The following PLEKHG1 variants were observed in gnomAD, a reference collection of about 807,000 sequenced individuals.
PLEKHG1 encodes the protein pleckstrin homology domain-containing family G member 1.
In PLEKHG1, 44 loss-of-function variants were observed where a neutral mutation model predicts 100.8. The observed-to-expected ratio is 0.44, with a 90% CI of 0.34 to 0.56. The LOEUF is 0.56. PLEKHG1 is among the 20% of genes least tolerant of loss of function. PLEKHG1 has a pLI of 0.01. For missense variants in PLEKHG1, 1,545 were observed against 1,720.9 expected (o/e 0.90, Z 1.81); for synonymous variants, 640 against 662.5 (o/e 0.97, Z 0.52).
At chr6:150,791,843 T>G (rs1786002263) in intron 4 of PLEKHG1, among the ~76,000 whole-genome samples, 1 of 152,182 alleles carries the variant, frequency 6.6e-6, no homozygotes, top group Non-Finnish European at 1.5e-5. Flanking sequence ...GGCATAACCA[T>G]GCAGTAGGAA....
At chr6:150,777,428 A>G (rs1450241091) in intron 3 of PLEKHG1, among the ~76,000 whole-genome samples, 1 of 143,970 alleles carries the variant, frequency 6.9e-6, no homozygotes, top group Non-Finnish European at 1.5e-5. Flanking sequence ...CACTGATGCA[A>G]TCCTGGTGCA....
intron 7 of PLEKHG1, among the ~76,000 whole-genome samples, chr6:150,808,667 C>T (rs762955145): frequency 4.6e-5 from 7 of 152,122 alleles, no homozygotes; most frequent in Admixed American, 6.5e-5. Context: ...GCAGGAGGAT[C>T]GCTTGAACCG....
intron 3 of PLEKHG1, among the ~76,000 whole-genome samples, chr6:150,690,448 A>G (rs977524561): frequency 1.3e-5 from 2 of 152,162 alleles, no homozygotes; most frequent in Non-Finnish European, 2.9e-5. Flanking sequence ...ATACCTCACT[A>G]GAGTGAGGAA....
intron 10 of PLEKHG1, among the ~76,000 whole-genome samples, chr6:150,811,059 T>C (rs1787496518): frequency 6.6e-6 from 1 of 152,182 alleles, no homozygotes; most frequent in African/African-American, 2.4e-5. Context: ...AAAGCTGTGC[T>C]GGGTCCCATG....
intron 2 of PLEKHG1, among the ~76,000 whole-genome samples, chr6:150,643,500 A>G (rs1056721952): frequency 1.3e-5 from 2 of 152,226 alleles, no homozygotes; most frequent in Non-Finnish European, 2.9e-5. Context: ...TTGCATTTAC[A>G]TGCAGCATGT....
chr6:150,688,743 C>T (rs1562437624), intron 3 of PLEKHG1, among the ~76,000 whole-genome samples: 1 of 152,132 alleles, frequency 6.6e-6, no homozygotes, highest in Non-Finnish European at 1.5e-5. Flanking sequence ...ATAGTAAAAA[C>T]TATGCTAACA....
intron 3 of PLEKHG1, among the ~76,000 whole-genome samples, chr6:150,652,693 C>G (rs1778800102): frequency 6.7e-6 from 1 of 149,288 alleles, no homozygotes. Flanking sequence ...GCACTCCAGC[C>G]TGGGCAACAA....
intron 2 of PLEKHG1, among the ~76,000 whole-genome samples, chr6:150,640,296 C>T (rs1372422638): frequency 6.6e-6 from 1 of 152,210 alleles, no homozygotes; most frequent in Non-Finnish European, 1.5e-5. Flanking sequence ...GCAGGCTTGC[C>T]CAACTTTTTC....
chr6:150,821,867 G>A (rs147004803), intron 13 of PLEKHG1, among the ~76,000 whole-genome samples: 2,474 of 149,628 alleles, frequency 0.017, 74 homozygotes, highest in African/African-American at 0.057. Flanking sequence ...TTGAGACAGA[G>A]TCTTGCTCTT....
intron 1 of PLEKHG1, among the ~76,000 whole-genome samples, chr6:150,634,734 A>G (rs1027733516): frequency 6.6e-6 from 1 of 152,260 alleles, no homozygotes; most frequent in East Asian, 1.9e-4. Context: ...GTAATGAAGT[A>G]ATAAAACAAT....
At chr6:150,809,679 T>C (rs1172568474) in exon 10 of PLEKHG1, 2 of 1,614,006 alleles carry the variant, frequency 1.2e-6, no homozygotes, top group Non-Finnish European at 1.7e-6. Flanking sequence ...CGCCTCTGGG[T>C]TCTGCACCTA....
At chr6:150,830,527 T>C (rs1456432377) in intron 14 of PLEKHG1, 55 bp from the exon 16 acceptor site, 5 of 1,298,848 alleles carry the variant, frequency 3.8e-6, no homozygotes, top group Non-Finnish European at 5.4e-6. Context: ...ATTCCTGAGT[T>C]ATGTGTCTTC....
At chr6:150,830,664 C>T (rs201807015) in exon 15 of PLEKHG1, 1 of 1,614,114 alleles carries the variant, frequency 6.2e-7, no homozygotes, top group Non-Finnish European at 8.5e-7. Context: ...AGCAGTTCTA[C>T]CATGATCAGC....
At chr6:150,673,865 T>C (rs73008164) in intron 3 of PLEKHG1, among the ~76,000 whole-genome samples, 12,850 of 152,192 alleles carry the variant, frequency 0.084, 586 homozygotes, top group Admixed American at 0.1. Context: ...GCTTTTGCTA[T>C]GTTGCTGCGG....
chr6:150,669,500 T>G (rs1433237945), intron 3 of PLEKHG1, among the ~76,000 whole-genome samples: 1 of 152,130 alleles, frequency 6.6e-6, no homozygotes, highest in Admixed American at 6.6e-5. Flanking sequence ...AATTTTTGCC[T>G]AAATTACTTT....
rs146876374 is a variant in PLEKHG1 at position 150,683,750 on chromosome 6, G to A, written c.-99+32964G>A. The A allele has an allele frequency of 2.9e-5, 37 of 1,281,884 alleles. No homozygotes were observed. The highest frequency in any genetic ancestry group is 2.2e-4 in the Middle Eastern group (1 of 4,626). The allele number at this position is 1,281,884 out of a possible 1,614,324, so 79.4% of individuals were successfully genotyped here. A position where few individuals can be genotyped will look rare whatever the true frequency, so the allele number is the denominator to read the frequency against. ...TGCGCTAGTATCCAGGGCATAGGACGTCTGAAGGAAAGATGGAGCCATTCT... is the reference window on the plus strand; with the variant it reads ...TGCGCTAGTATCCAGGGCATAGGACATCTGAAGGAAAGATGGAGCCATTCT... On this transcript the variant is annotated intron_variant, in intron 3 of 3. Coordinates refer to the PLEKHG1 transcript ENST00000367326. This position sits in a 1 kb window ranked among gnomAD's most constrained non-coding sequence, Gnocchi z 4.0.
rs574537232 is a variant in PLEKHG1 at position 150,697,802 on chromosome 6, G to C, written c.-98-35782G>C. Among the ~76,000 whole-genome samples the C allele has an allele frequency of 1.1e-3, 165 of 152,336 alleles. 1 individual carries two copies. The highest frequency in any genetic ancestry group is 3.7e-3 in the African/African-American group (154 of 41,590). On this transcript the variant is annotated intron_variant, in intron 3 of 3. Transcript: ENST00000367326. ...CTAATACCAGAGCAGCTTTCTTACA[G>C]TGAGGAATCACAAATGTCCCCACAT...
intron 2 of PLEKHG1, among the ~76,000 whole-genome samples, chr6:150,649,605 G>C (rs1426565317): frequency 1.3e-5 from 2 of 152,200 alleles, no homozygotes; most frequent in Non-Finnish European, 2.9e-5. Context: ...GGCTGGACGC[G>C]GTGGCTTATG....
At chr6:150,665,232 C>T (rs1779350666) in intron 3 of PLEKHG1, among the ~76,000 whole-genome samples, 1 of 152,098 alleles carries the variant, frequency 6.6e-6, no homozygotes, top group South Asian at 2.1e-4. Flanking sequence ...CTCTTCTTGC[C>T]TCTATTGTCA....
Sources: allele counts gnomAD v4.1 joint callset (sites outside exome capture counted in the v4.1 genomes callset), GRCh38; gene constraint gnomAD v4.1.1; non-coding constraint Gnocchi (gnomAD v3.1); transcripts MANE v1.5; gene names NCBI Gene and HGNC (gene_info 2026-07-23, HGNC 2026-07-21).